The following RASIP1 variants were observed in gnomAD, a reference collection of about 807,000 sequenced individuals.
The protein encoded by RASIP1 is ras-interacting protein 1.
In RASIP1, 20 loss-of-function variants were observed where a neutral mutation model predicts 85.3. The ratio of observed to expected loss-of-function variants is 0.23; its 90% CI spans 0.17 to 0.34. The LOEUF (loss-of-function observed/expected upper bound fraction) is 0.34. Ranked by LOEUF, RASIP1 falls within the 10% of genes least tolerant of loss-of-function variation. The probability of loss-of-function intolerance (pLI) is 1.00; values close to 1 mark genes in which losing one functional copy is unlikely to be tolerated. For synonymous variants in RASIP1, 617 were observed against 647.1 expected, an observed-to-expected ratio of 0.95 and a Z score of 0.71; for missense variants, 1,170 against 1,390.9, an observed-to-expected ratio of 0.84 and a Z score of 2.53.
chr19:48,729,297 G>T lies in RASIP1; in HGVS notation c.1473C>A (p.Arg491=), dbSNP rs1239719045. The change falls in exon 5 of 12, where the codon CGC becomes CGA. Residue 491 remains arginine, a synonymous_variant. Coordinates refer to ENST00000222145, the MANE Select transcript of RASIP1 (RefSeq NM_017805.3). ...GCCTCGCAGGCCCCGAGCCCCCAGT[G>T]CGGGGGTCCTTGTACATGAACAGGA... The part of the protein sequence containing the change: ...EHFLFMYKDP[R]TGGSGPARPP... The T allele has an allele frequency of 3.9e-6, 6 of 1,553,184 alleles. 1 individual carries two copies. The Middle Eastern group carries it at 5.1e-4, about 131-fold the overall frequency.
At position 48,727,405 on chromosome 19, in the gene RASIP1, C is replaced by T. The variant is rs761314944; in HGVS notation, c.1859G>A (p.Arg620His). The T allele has an allele frequency of 3.8e-5, 61 of 1,613,884 alleles. No homozygotes were observed. The highest frequency in any genetic ancestry group is 1.6e-4 in the East Asian group (7 of 44,904). The change falls in exon 6 of 12, where the codon CGT becomes CAT. Residue 620 changes from arginine (R) to histidine (H), a missense_variant. Transcript: ENST00000222145. Reference protein sequence around the residue: ...VWEKIKEIGDRQPENHPEGVP... With the variant: ...VWEKIKEIGDHQPENHPEGVP... ...GAATTTCTCTTACTTTTCTGGCTGA[C>T]GGTCTCCAATTTCCTTAATCTTTTC... is the stretch of plus-strand genomic sequence containing the variant.
At chr19:48,734,276 CAGAG>C (rs368242550) in intron 4 of RASIP1, among the ~76,000 whole-genome samples, 16 of 151,260 alleles carry the variant, frequency 1.1e-4, no homozygotes, top group Middle Eastern at 3.4e-3. Context: ...GCCTGGGCGA[CAGAG>C]AGAGACTCCG....
chr19:48,721,887 G>A lies in RASIP1; in HGVS notation c.2659C>T (p.Pro887Ser). Residue 887 changes from proline (P) to serine (S), a missense_variant, in exon 11 of 12, where the codon CCT (proline) becomes TCT (serine). Physicochemically the swap from Pro to Ser is moderately conservative, Grantham distance 74. Coordinates refer to ENST00000222145, the MANE Select transcript of RASIP1 (RefSeq NM_017805.3). ...ACAGCCTCCCGCTCTGCAGGGGGAG[G>A]GTCCCACGCGGCTGGCGGCCCGCGG... ...PGRGPPAAWD[P>S]PPAEREAVDT... The A allele has an allele frequency of 6.2e-7, 1 of 1,606,764 alleles. No individual in the cohort carries two copies. Among genetic ancestry groups the A allele is most frequent in the Non-Finnish European group, 8.5e-7 (1 of 1,176,734 alleles).
rs2033545397 is a variant in RASIP1, at chr19:48,735,118, G to A, written c.1179+78C>T. On this transcript the variant is annotated intron_variant, in intron 4 of 11. Transcript: ENST00000222145. ...AGGCTAGCGCGCCCCGGGCCTTCTG[G>A]GAGTTGTAGTTTTGTTGCTCACCCA... 3.7e-6 allele frequency: 5 copies of A among 1,356,604 alleles called. No homozygotes were observed. In the Admixed American group the frequency reaches 1.2e-4, roughly 33 times the overall value. The allele number at this position is 1,356,604 out of a possible 1,614,324, so 84.0% of individuals were successfully genotyped here.
rs372213059 is a variant in RASIP1, at chr19:48,720,921, A to G, written c.2769T>C (p.Gly923=). Residue 923 remains glycine (G), a synonymous_variant, in exon 12 of 12, where the codon GGT becomes GGC. Coordinates refer to ENST00000222145, the MANE Select transcript of RASIP1 (RefSeq NM_017805.3). ...PLGSSRLRLT[G]PVTDDALHRE... is the part of the protein sequence containing the mutation. ...GGTGCAAGGCATCGTCCGTCACTGG[A>G]CCAGTGAGGCGCAGGCGCGAGCTCC... The G allele has an allele frequency of 1.2e-6, 2 of 1,613,592 alleles. No homozygotes were observed. Among genetic ancestry groups the G allele is most frequent in the African/African-American group, 2.7e-5 (2 of 74,922 alleles).
chr19:48,737,519 G>T, intron 3 of RASIP1: 1 of 985,230 alleles, frequency 1.0e-6, no homozygotes, highest in Non-Finnish European at 1.2e-6. Context: ...TTTCCCATGT[G>T]ATCCCACTTG....
Position 48,738,975 on chromosome 19 carries a change from C to T in RASIP1, c.808G>A (p.Ala270Thr). The T allele has an allele frequency of 8.1e-7, 1 of 1,227,830 alleles. No individual in the cohort carries two copies. 76.1% of individuals were successfully genotyped at this position (1,227,830 alleles called of 1,614,324 possible). A position where few individuals can be genotyped will look rare whatever the true frequency, so the allele number is the denominator to read the frequency against. ...CGCCGCTCACCTTCGCTGTCCGCGG[C>T]CCCGAAGGCCTCCTGCTCCAGGCGC... Reference protein sequence around the residue: ...ARRLEQEAFGAADSEGTGAPS... With the variant: ...ARRLEQEAFGTADSEGTGAPS... Residue 270 changes from alanine (A) to threonine (T), a missense_variant, in exon 3 of 12, where the codon GCC becomes ACC. By Grantham distance (58) the Ala-to-Thr change is moderately conservative. Around this residue, in one of 4 missense-constraint regions of RASIP1, gnomAD observed 301 missense variants for 294.8 expected, o/e 1.02. Transcript: ENST00000222145. This position sits in a 1 kb window ranked among gnomAD's most constrained non-coding sequence, Gnocchi z 4.0.
chr19:48,727,214 A>G (rs1048633670), intron 6 of RASIP1, 56 bp from the exon 7 acceptor site: 3 of 1,604,050 alleles, frequency 1.9e-6, no homozygotes, highest in African/African-American at 2.7e-5. Context: ...ATAGTTTACA[A>G]ACCCCAAGAT....
chr19:48,736,856 G>A (rs966311045), intron 3 of RASIP1, among the ~76,000 whole-genome samples: 1 of 152,062 alleles, frequency 6.6e-6, no homozygotes, highest in Non-Finnish European at 1.5e-5. Context: ...CCAACATGGC[G>A]AAACCCCCAT....
chr19:48,721,114 C>T (rs2033227404), intron 11 of RASIP1, 117 bp from the exon 12 acceptor site: 3 of 887,016 alleles, frequency 3.4e-6, no homozygotes, highest in East Asian at 2.7e-5. Flanking sequence ...ACCCCAGCAA[C>T]TCCTGGGGCG....
chr19:48,736,911 C>T (rs2122479555), intron 3 of RASIP1, among the ~76,000 whole-genome samples: 1 of 152,272 alleles, frequency 6.6e-6, no homozygotes, highest in African/African-American at 2.4e-5. Flanking sequence ...GTAGTGGGCA[C>T]CTGTAATCCC....
chr19:48,729,617 G>A (rs1290981404), intron 4 of RASIP1, 27 bp from the exon 5 acceptor site: 22 of 1,556,562 alleles, frequency 1.4e-5, no homozygotes, highest in East Asian at 2.4e-5. Flanking sequence ...GATGCACTAA[G>A]GACATCACTT....
intron 3 of RASIP1, among the ~76,000 whole-genome samples, chr19:48,736,198 AAG>A (rs1028215596): frequency 6.7e-6 from 1 of 150,316 alleles, no homozygotes; most frequent in African/African-American, 2.4e-5. Context: ...GGCGGATCAC[AAG>A]GTCAGGAGAT....
At position 48,726,850 on chromosome 19, in the gene RASIP1, C is replaced by T; in HGVS notation, c.2062G>A (p.Ala688Thr). 6.2e-7 allele frequency: 1 copy of T among 1,614,014 alleles called. No individual in the cohort carries two copies. The highest frequency in any genetic ancestry group is 1.3e-5 in the African/African-American group (1 of 75,050). Reference sequence around the variant, plus strand: ...ATGACCTCATCCAGGAGGGCCATGGCCTCATCACATAATTCCAAGTCATTG... The same window carrying T: ...ATGACCTCATCCAGGAGGGCCATGGTCTCATCACATAATTCCAAGTCATTG... ...LCNDLELCDE[A>T]MALLDEVIMC... Residue 688 changes from alanine (A) to threonine (T), a missense_variant, in exon 8 of 12, where the codon GCC becomes ACC. This residue lies in a region of RASIP1 where 426 missense variants were observed against 576.2 expected (regional missense o/e 0.74). Transcript: ENST00000222145.
chr19:48,736,844 G>A (rs2033582003), intron 3 of RASIP1, among the ~76,000 whole-genome samples: 1 of 152,152 alleles, frequency 6.6e-6, no homozygotes, highest in South Asian at 2.1e-4. Flanking sequence ...AGACCAGCCT[G>A]ACCAACATGG....
rs2033627458 is a variant in RASIP1 at position 48,739,261 on chromosome 19, C to G, written c.522G>C (p.Glu174Asp). Reference sequence around the variant, plus strand: ...AGCGCTCTAGCGCCTCGGCCACGAGCTCGCGCGCCGTGGAGCGCGCCGTGG... The same window carrying G: ...AGCGCTCTAGCGCCTCGGCCACGAGGTCGCGCGCCGTGGAGCGCGCCGTGG... ...VLATARSTAR[E>D]LVAEALERYG... The change falls in exon 3 of 12, where the codon GAG becomes GAC. Residue 174 changes from glutamate to aspartate, a missense_variant. Transcript: ENST00000222145. The surrounding 1 kb of genome is among the most constrained non-coding windows in gnomAD (Gnocchi z 9.2). 2.7e-6 allele frequency: 4 copies of G among 1,470,284 alleles called. No homozygotes were observed. Among genetic ancestry groups the G allele is most frequent in the Non-Finnish European group, 3.6e-6 (4 of 1,118,976 alleles). The allele number at this position is 1,470,284 out of a possible 1,614,324, so 91.1% of individuals were successfully genotyped here.
At chr19:48,737,390 A>G (rs1336169321) in intron 3 of RASIP1, 8 of 892,506 alleles carry the variant, frequency 9.0e-6, no homozygotes, top group African/African-American at 7.2e-5. Context: ...CGTGCTTTCA[A>G]TGCGCCAGGC....
At chr19:48,732,779 A>G (rs1276354976) in intron 4 of RASIP1, among the ~76,000 whole-genome samples, 1 of 152,184 alleles carries the variant, frequency 6.6e-6, no homozygotes, top group Non-Finnish European at 1.5e-5. Flanking sequence ...ATTCTTCCAT[A>G]CAAGCTCTTT....
At chr19:48,735,047 TCTCTA>T (rs2033544200) in intron 4 of RASIP1, 144 bp downstream of exon 4, 1 of 680,554 alleles carries the variant, frequency 1.5e-6, no homozygotes, top group East Asian at 2.7e-5. Flanking sequence ...CTCCTGTGAA[TCTCTA>T]CTCTGGAACC....
Sources: gnomAD v4.1 joint callset for allele counts (sites outside exome capture counted in the v4.1 genomes callset) on GRCh38, gnomAD v4.1.1 for gene constraint, gnomAD v4.1.1 regional missense constraint, Gnocchi (gnomAD v3.1) non-coding constraint, MANE v1.5 for transcripts, NCBI Gene and HGNC (gene_info 2026-07-23, HGNC 2026-07-21) for gene names.